VAMP7: variants seen among roughly 807,000 people sequenced by gnomAD.
The protein encoded by VAMP7 is vesicle-associated membrane protein 7.
In VAMP7, 14 loss-of-function variants were observed where a neutral mutation model predicts 29.6. The ratio of observed to expected loss-of-function variants is 0.47; its 90% CI spans 0.31 to 0.74. VAMP7 has a LOEUF of 0.74. Ranked by LOEUF, VAMP7 falls within the 30% of genes least tolerant of loss-of-function variation. The pLI is 0.05. For missense variants in VAMP7, 223 were observed against 262.4 expected (o/e 0.85, Z 1.04); for synonymous variants, 95 against 88.1 (o/e 1.08, Z -0.44).
At chrX:155,899,811 C>T (rs897448053) in intron 4 of VAMP7, among the ~76,000 whole-genome samples, 2 of 152,048 alleles carry the variant, frequency 1.3e-5, no homozygotes, top group African/African-American at 2.4e-5. Flanking sequence ...AAATCTCTAC[C>T]TGTTCCTTTG....
At chrX:155,907,877 TCAGA>T (rs1222159681) in intron 5 of VAMP7, among the ~76,000 whole-genome samples, 2 of 151,516 alleles carry the variant, frequency 1.3e-5, no homozygotes, top group Non-Finnish European at 2.9e-5. Context: ...TCCTCACTTC[TCAGA>T]CAGGGCGGCC....
At chrX:155,902,684 T>C (rs1357425381) in intron 5 of VAMP7, among the ~76,000 whole-genome samples, 1 of 152,162 alleles carries the variant, frequency 6.6e-6, no homozygotes, top group African/African-American at 2.4e-5. Flanking sequence ...TTGATTTGCG[T>C]ATACTGAACC....
At chrX:155,882,219 T>C (rs2065810815) in intron 1 of VAMP7, among the ~76,000 whole-genome samples, 1 of 152,194 alleles carries the variant, frequency 6.6e-6, no homozygotes, top group Non-Finnish European at 1.5e-5. Flanking sequence ...AACAAATATT[T>C]ATTGAACGGC....
chrX:155,918,321 T>G (rs966692966), intron 5 of VAMP7, among the ~76,000 whole-genome samples: 3 of 151,862 alleles, frequency 2.0e-5, no homozygotes, highest in African/African-American at 7.3e-5. Context: ...TGAACAGTTA[T>G]GTCTCACTGG....
chrX:155,939,579 C>T (rs919609201), intron 6 of VAMP7, 122 bp from the exon 7 acceptor site: 7 of 772,334 alleles, frequency 9.1e-6, no homozygotes, highest in Admixed American at 3.8e-5. Flanking sequence ...CCAGTCTCTA[C>T]TTGTAAAGAG....
intron 5 of VAMP7, among the ~76,000 whole-genome samples, chrX:155,904,079 C>A (rs940782906): frequency 1.5e-4 from 23 of 151,490 alleles, no homozygotes; most frequent in Non-Finnish European, 2.9e-4. Context: ...ATTGGAAATC[C>A]TCATTCTCAG....
intron 6 of VAMP7, among the ~76,000 whole-genome samples, chrX:155,926,381 C>G (rs1417647250): frequency 6.6e-6 from 1 of 152,226 alleles, no homozygotes; most frequent in Non-Finnish European, 1.5e-5. Flanking sequence ...GCACTTGCTG[C>G]TTCACCTTGT....
chrX:155,896,326 T>C (rs2065986885), intron 3 of VAMP7, among the ~76,000 whole-genome samples: 1 of 152,162 alleles, frequency 6.6e-6, no homozygotes. Flanking sequence ...CTCTCAAAAA[T>C]TGTTTACGTG....
chrX:155,884,347 G>A (rs1020790094), intron 1 of VAMP7, among the ~76,000 whole-genome samples: 3 of 151,634 alleles, frequency 2.0e-5, no homozygotes, highest in Non-Finnish European at 4.4e-5. Flanking sequence ...GGCTGGTCTC[G>A]AACTCCTGAC....
At chrX:155,897,762 A>G (rs1354199518) in intron 3 of VAMP7, among the ~76,000 whole-genome samples, 1 of 152,160 alleles carries the variant, frequency 6.6e-6, no homozygotes, top group Non-Finnish European at 1.5e-5. Flanking sequence ...TATTAAACAT[A>G]TTCTTGTGCT....
At chrX:155,905,379 C>CAAA (rs2066133229) in intron 5 of VAMP7, among the ~76,000 whole-genome samples, 1 of 152,026 alleles carries the variant, frequency 6.6e-6, no homozygotes, top group South Asian at 2.1e-4. Flanking sequence ...GTTGTCTTTT[C>CAAA]ATTTTCTTGA....
In VAMP7 at chrX:155,898,159, G is replaced by C. The variant is rs747186212; in HGVS notation, c.252G>C (p.Lys84Asn). Reference sequence around the variant, plus strand: ...TTAATTTTCTGAATGAGATAAAGAAGAGGTTCCAGACTACTTACGGTTCAA... The same window carrying C: ...TTAATTTTCTGAATGAGATAAAGAACAGGTTCCAGACTACTTACGGTTCAA... ...RAFNFLNEIK[K>N]RFQTTYGSRA... Residue 84 changes from lysine (K) to asparagine (N), a missense_variant, in exon 4 of 8, where the codon AAG becomes AAC. By Grantham distance (94) the Lys-to-Asn change is moderately conservative. Coordinates refer to ENST00000286448, the MANE Select transcript of VAMP7 (RefSeq NM_005638.6). 6.2e-7 allele frequency: 1 copy of C among 1,613,598 alleles called. No homozygotes were observed. Among genetic ancestry groups the C allele is most frequent in the African/African-American group, 1.3e-5 (1 of 75,018 alleles).
chrX:155,888,786 G>C (rs1325853506), intron 1 of VAMP7, among the ~76,000 whole-genome samples: 1 of 152,098 alleles, frequency 6.6e-6, no homozygotes, highest in Non-Finnish European at 1.5e-5. Context: ...AAGATTATGA[G>C]CTCTAGAACC....
Position 155,939,782 on chromosome X carries a change from A to G in VAMP7, c.583A>G (p.Ile195Val), listed in dbSNP as rs751968119. The G allele has an allele frequency of 6.2e-7, 1 of 1,613,018 alleles. No individual in the cohort carries two copies. Among genetic ancestry groups the G allele is most frequent in the Non-Finnish European group, 8.5e-7 (1 of 1,179,108 alleles). Residue 195 changes from isoleucine to valine, a missense_variant, in exon 7 of 8, where the codon ATC becomes GTC. Transcript: ENST00000286448. ...CCTCAAGCTCACTATTATCATCATC[A>G]TCGTATCAATTGTAAGTTTTTGTCC... The part of the protein sequence containing the change: ...KNLKLTIIII[I>V]VSIVFIYIIV...
intron 6 of VAMP7, among the ~76,000 whole-genome samples, chrX:155,929,838 T>C (rs182567097): frequency 2.0e-5 from 3 of 152,316 alleles, no homozygotes; most frequent in Non-Finnish European, 4.4e-5. Context: ...TACAGTTTAC[T>C]CAAGTCCACC....
In VAMP7 at chrX:155,893,899, C is replaced by T. The variant is rs150601995; in HGVS notation, c.147-1724C>T. Among the ~76,000 whole-genome samples, 1,341 of 152,326 alleles carry T rather than the reference C, an allele frequency of 8.8e-3. 5 individuals are homozygous for T. The highest frequency in any genetic ancestry group is 0.014 in the Middle Eastern group (4 of 294). Reference sequence around the variant, plus strand: ...TCCAAAAGGAAGTGGTCAACACTATCATATGTTTCAGAGAGAGCCACTGGA... The same window carrying T: ...TCCAAAAGGAAGTGGTCAACACTATTATATGTTTCAGAGAGAGCCACTGGA... On this transcript the variant is annotated intron_variant, in intron 2 of 7. Transcript: ENST00000286448.
At chrX:155,882,549 C>A (rs1056944534) in intron 1 of VAMP7, among the ~76,000 whole-genome samples, 9 of 152,126 alleles carry the variant, frequency 5.9e-5, no homozygotes, top group African/African-American at 1.7e-4. Flanking sequence ...ATTCTTCATT[C>A]TTCTATCTCC....
intron 6 of VAMP7, among the ~76,000 whole-genome samples, chrX:155,929,686 A>T (rs1428587762): frequency 1.3e-5 from 2 of 152,066 alleles, no homozygotes. Context: ...CCCGTGTTGG[A>T]TGGAAAGACG....
At chrX:155,939,591 G>T in intron 6 of VAMP7, 110 bp from the exon 7 acceptor site, 1 of 812,024 alleles carries the variant, frequency 1.2e-6, no homozygotes, top group Non-Finnish European at 2.2e-6. Context: ...TGTAAAGAGA[G>T]GTCATTGGAC....
Sources: gnomAD v4.1 joint callset for allele counts (sites outside exome capture counted in the v4.1 genomes callset) on GRCh38, gnomAD v4.1.1 for gene constraint, MANE v1.5 for transcripts, NCBI Gene and HGNC (gene_info 2026-07-23, HGNC 2026-07-21) for gene names.